The following ROBO2 variants were observed in gnomAD, a reference collection of about 807,000 sequenced individuals.
ROBO2 encodes the protein roundabout homolog 2.
In ROBO2, 53 loss-of-function variants were observed where a neutral mutation model predicts 160.8. The ratio of observed to expected loss-of-function variants is 0.33; its 90% CI spans 0.26 to 0.41. ROBO2 has a LOEUF of 0.41. Among genes scored for constraint, ROBO2 ranks in the 10% least tolerant of loss-of-function variants. ROBO2 has a pLI of 1.00. For missense variants in ROBO2, 1,577 were observed against 1,722.4 expected, an observed-to-expected ratio of 0.92 and a Z score of 1.49; for synonymous variants, 664 against 611.7, an observed-to-expected ratio of 1.09 and a Z score of -1.26.
chr3:77,213,378 A>G (rs1486864769), intron 2 of ROBO2, among the ~76,000 whole-genome samples: 1 of 152,126 alleles, frequency 6.6e-6, no homozygotes, highest in Non-Finnish European at 1.5e-5. Flanking sequence ...AGTTGTTTGT[A>G]GTATTCTCTG....
intron 1 of ROBO2, among the ~76,000 whole-genome samples, chr3:77,044,909 T>G (rs2064486169): frequency 6.6e-6 from 1 of 152,202 alleles, no homozygotes; most frequent in South Asian, 2.1e-4. Flanking sequence ...GGTATAGATC[T>G]ATCAACCTAA....
intron 19 of ROBO2, among the ~76,000 whole-genome samples, chr3:77,601,687 T>A (rs1193186430): frequency 1.3e-5 from 2 of 152,210 alleles, no homozygotes; most frequent in Non-Finnish European, 2.9e-5. Flanking sequence ...ACTCTCCTTT[T>A]CTGGAGCAAT....
intron 2 of ROBO2, among the ~76,000 whole-genome samples, chr3:76,456,090 C>G (rs559255806): frequency 9.1e-4 from 139 of 152,262 alleles, no homozygotes; most frequent in African/African-American, 3.0e-3. Context: ...TGATAGTTAT[C>G]AATGCCTTCT....
At chr3:76,854,073 TGTCTGC>T (rs1199762045) in intron 2 of ROBO2, among the ~76,000 whole-genome samples, 13 of 75,848 alleles carry the variant, frequency 1.7e-4, no homozygotes, top group Non-Finnish European at 2.1e-4. Context: ...TCTCTTTCTC[TGTCTGC>T]CTCTCTCTCT....
At chr3:77,120,792 A>AGAACAGGGAACTT in intron 2 of ROBO2, among the ~76,000 whole-genome samples, 1 of 152,324 alleles carries the variant, frequency 6.6e-6, no homozygotes, top group African/African-American at 2.4e-5. Flanking sequence ...TATACTGAGC[A>AGAACAGGGAACTT]GAACAGGGAA....
chr3:77,442,779 C>T (rs1235322083), intron 2 of ROBO2, among the ~76,000 whole-genome samples: 1 of 152,146 alleles, frequency 6.6e-6, no homozygotes, highest in Non-Finnish European at 1.5e-5. Context: ...AAATCAGAAT[C>T]TTCTCTTCCA....
chr3:77,049,532 C>G (rs1211706614), intron 1 of ROBO2, among the ~76,000 whole-genome samples: 2 of 152,096 alleles, frequency 1.3e-5, no homozygotes, highest in African/African-American at 4.8e-5. Flanking sequence ...CATTAATGAC[C>G]AGTGGTACTT....
At chr3:77,182,654 A>G (rs1168420276) in intron 2 of ROBO2, among the ~76,000 whole-genome samples, 1 of 152,066 alleles carries the variant, frequency 6.6e-6, no homozygotes, top group Non-Finnish European at 1.5e-5. Flanking sequence ...GCCTAAATGA[A>G]TAGTGAGCTG....
At chr3:76,728,342 G>A (rs2093584800) in intron 2 of ROBO2, among the ~76,000 whole-genome samples, 1 of 151,956 alleles carries the variant, frequency 6.6e-6, no homozygotes, top group Non-Finnish European at 1.5e-5. Flanking sequence ...TTTGTTTTAT[G>A]GTTAATTAAA....
chr3:76,491,044 C>T (rs2079792797), intron 2 of ROBO2, among the ~76,000 whole-genome samples: 1 of 151,776 alleles, frequency 6.6e-6, no homozygotes, highest in Non-Finnish European at 1.5e-5. Flanking sequence ...ACTGCAACCT[C>T]CGCCTCCCAG....
At chr3:76,867,742 C>A (rs759579560) in intron 2 of ROBO2, among the ~76,000 whole-genome samples, 1 of 152,130 alleles carries the variant, frequency 6.6e-6, no homozygotes, top group Non-Finnish European at 1.5e-5. Flanking sequence ...ATTCTCTCCT[C>A]GAAAACCATT....
At chr3:76,335,823 G>A (rs1003077177) in intron 2 of ROBO2, among the ~76,000 whole-genome samples, 11 of 152,062 alleles carry the variant, frequency 7.2e-5, no homozygotes, top group East Asian at 5.8e-4. Flanking sequence ...TGATCCGCCC[G>A]CCTCGTCCTC....
chr3:76,598,903 T>C (rs992980632), intron 2 of ROBO2, among the ~76,000 whole-genome samples: 5 of 152,168 alleles, frequency 3.3e-5, no homozygotes, highest in African/African-American at 7.2e-5. Context: ...TAAGAAAGTA[T>C]ATAATAACCT....
intron 5 of ROBO2, among the ~76,000 whole-genome samples, chr3:77,516,230 A>C (rs916862506): frequency 1.3e-5 from 2 of 151,478 alleles, no homozygotes; most frequent in African/African-American, 4.8e-5. Flanking sequence ...GATTTTATAA[A>C]CATCTAAGAA....
intron 2 of ROBO2, among the ~76,000 whole-genome samples, chr3:77,352,916 C>A (rs1339691448): frequency 6.6e-6 from 1 of 152,148 alleles, no homozygotes. Context: ...TCACATGGTC[C>A]ATCACATAAT....
At chr3:76,254,460 CAG>C (rs1395653569) in intron 2 of ROBO2, among the ~76,000 whole-genome samples, 2 of 152,000 alleles carry the variant, frequency 1.3e-5, no homozygotes, top group African/African-American at 2.4e-5. Flanking sequence ...CGTGTAAATG[CAG>C]AGTCAGTCAG....
chr3:77,646,974 T>A (rs568129061), exon 26 of ROBO2: 1 of 152,692 alleles, frequency 6.5e-6, no homozygotes, highest in South Asian at 2.1e-4. Flanking sequence ...AAACATTTTC[T>A]GAATTATCGT....
chr3:77,408,452 T>A (rs34169559), intron 2 of ROBO2, among the ~76,000 whole-genome samples: 18,393 of 152,182 alleles, frequency 0.12, 1,334 homozygotes, highest in East Asian at 0.25. Flanking sequence ...AGACATTTCA[T>A]TAGGATGTGA....
At chr3:77,233,818 TAAATG>T (rs963102066) in intron 2 of ROBO2, among the ~76,000 whole-genome samples, 8 of 152,324 alleles carry the variant, frequency 5.3e-5, no homozygotes, top group East Asian at 1.9e-4. Context: ...AAATAATACT[TAAATG>T]AAATGAAATT....
Sources: allele counts gnomAD v4.1 joint callset (sites outside exome capture counted in the v4.1 genomes callset), GRCh38; gene constraint gnomAD v4.1.1; transcripts MANE v1.5; gene names NCBI Gene and HGNC (gene_info 2026-07-23, HGNC 2026-07-21).